Variants in RBFOX1 observed in about 807,000 individuals in gnomAD.
RBFOX1 encodes the protein RNA binding fox-1 homolog 1, also known as RNA binding protein fox-1 homolog 1.
RBFOX1 carries 8 observed loss-of-function variants against 57.7 expected under a neutral mutation model. The observed-to-expected ratio is 0.14, with a 90% CI of 0.08 to 0.25. The LOEUF is 0.25. Among genes scored for constraint, RBFOX1 ranks in the 10% least tolerant of loss-of-function variants. RBFOX1 has a pLI of 1.00. For missense variants in RBFOX1, 611 were observed against 548.5 expected (o/e 1.11, Z -1.14); for synonymous variants, 326 against 222.4 (o/e 1.47, Z -4.15).
intron 3 of RBFOX1, among the ~76,000 whole-genome samples, chr16:5,687,530 T>G (rs2050542046): frequency 6.6e-6 from 1 of 152,188 alleles, no homozygotes; most frequent in East Asian, 1.9e-4. Context: ...TATCAATACA[T>G]GATTAGGTGA....
intron 2 of RBFOX1, among the ~76,000 whole-genome samples, chr16:6,631,151 G>A (rs1380200421): frequency 1.3e-5 from 2 of 151,990 alleles, no homozygotes; most frequent in Non-Finnish European, 2.9e-5. Context: ...AAATTTAGAA[G>A]GTCAAAGGCA....
At chr16:6,122,473 T>G (rs962971487) in intron 1 of RBFOX1, among the ~76,000 whole-genome samples, 1 of 152,136 alleles carries the variant, frequency 6.6e-6, no homozygotes, top group African/African-American at 2.4e-5. Flanking sequence ...ATCCTTTTCT[T>G]TGCTATTTTC....
At chr16:7,070,655 A>G (rs1262491354) in intron 4 of RBFOX1, among the ~76,000 whole-genome samples, 2 of 152,192 alleles carry the variant, frequency 1.3e-5, no homozygotes, top group Non-Finnish European at 2.9e-5. Context: ...ATGCAGAGCC[A>G]TCTCCCTTGG....
intron 1 of RBFOX1, among the ~76,000 whole-genome samples, chr16:6,098,536 C>CA (rs2096270715): frequency 6.6e-6 from 1 of 152,226 alleles, no homozygotes; most frequent in Non-Finnish European, 1.5e-5. Context: ...AATTCTAAGT[C>CA]AAGAGCAATT....
intron 14 of RBFOX1, among the ~76,000 whole-genome samples, chr16:7,695,856 G>A (rs2078649709): frequency 1.3e-5 from 2 of 152,068 alleles, no homozygotes; most frequent in African/African-American, 4.8e-5. Context: ...TAAAATCTCA[G>A]TGTGGGGTTT....
chr16:6,727,893 A>C (rs1046274533), intron 3 of RBFOX1, among the ~76,000 whole-genome samples: 32 of 152,248 alleles, frequency 2.1e-4, no homozygotes, highest in African/African-American at 6.3e-4. Context: ...ACCTGATTCC[A>C]TTTTGAAATC....
At chr16:5,868,779 A>G (rs1195739633) in intron 4 of RBFOX1, among the ~76,000 whole-genome samples, 2 of 152,280 alleles carry the variant, frequency 1.3e-5, no homozygotes, top group East Asian at 3.9e-4. Flanking sequence ...TAAACAACAC[A>G]AATTTTGTTT....
At position 6,727,097 on chromosome 16, in the gene RBFOX1, GAC is replaced by G. The variant is rs1166229849; in HGVS notation, c.-16+72453_-16+72454del. ...GAGAGAGACACACAAAACACACACA[GAC>G]ACACATAAATATATGTGTGTGTGTG... is the stretch of plus-strand genomic sequence containing the variant. On this transcript the variant is annotated intron_variant, in intron 3 of 15. Transcript: ENST00000550418. 7.2e-4 allele frequency among the ~76,000 whole-genome samples: 27 copies of G among 37,406 alleles called. No homozygotes were observed. In the East Asian group the frequency reaches 0.03, roughly 42 times the overall value. The allele number at this position is 37,406 out of a possible 152,430, so 24.5% of individuals were successfully genotyped here. A position where few individuals can be genotyped will look rare whatever the true frequency, so the allele number is the denominator to read the frequency against.
intron 4 of RBFOX1, among the ~76,000 whole-genome samples, chr16:5,880,035 T>G (rs7185074): frequency 0.12 from 18,623 of 152,188 alleles, 1,775 homozygotes; most frequent in African/African-American, 0.26. Flanking sequence ...TGCCATGGTG[T>G]GCCAGTGAGG....
At chr16:7,059,868 A>G (rs1280640164) in intron 4 of RBFOX1, among the ~76,000 whole-genome samples, 1 of 152,158 alleles carries the variant, frequency 6.6e-6, no homozygotes, top group Non-Finnish European at 1.5e-5. Flanking sequence ...ATGTAAACTG[A>G]TGAAAAATGA....
intron 2 of RBFOX1, among the ~76,000 whole-genome samples, chr16:6,377,698 A>C (rs1004522934): frequency 6.6e-6 from 1 of 152,224 alleles, no homozygotes; most frequent in African/African-American, 2.4e-5. Flanking sequence ...TGTTTTTAAT[A>C]TGTCTATTTA....
chr16:5,867,085 C>G (rs868039743), intron 3 of RBFOX1, among the ~76,000 whole-genome samples: 1 of 151,946 alleles, frequency 6.6e-6, no homozygotes, highest in South Asian at 2.1e-4. Context: ...ACTAATTATC[C>G]TATTCACCTT....
At chr16:6,653,520 T>G (rs1250914941) in intron 2 of RBFOX1, among the ~76,000 whole-genome samples, 1 of 152,162 alleles carries the variant, frequency 6.6e-6, no homozygotes, top group African/African-American at 2.4e-5. Context: ...GGGTAGGAAT[T>G]ATGTTTGTTT....
At chr16:5,633,150 G>A (rs1196974153) in intron 3 of RBFOX1, among the ~76,000 whole-genome samples, 1 of 151,946 alleles carries the variant, frequency 6.6e-6, no homozygotes, top group African/African-American at 2.4e-5. Context: ...TATTGGCCAG[G>A]CTGGTCTCGA....
intron 4 of RBFOX1, among the ~76,000 whole-genome samples, chr16:7,314,804 G>C (rs1603618995): frequency 6.6e-6 from 1 of 152,166 alleles, no homozygotes; most frequent in Non-Finnish European, 1.5e-5. Context: ...ACAGGAGCTT[G>C]ATGTGATCTT....
intron 3 of RBFOX1, among the ~76,000 whole-genome samples, chr16:6,679,629 T>C (rs1192172614): frequency 6.6e-6 from 1 of 152,184 alleles, no homozygotes; most frequent in Admixed American, 6.5e-5. Context: ...TAACATTTTT[T>C]TGAGCATCTC....
chr16:7,052,199 T>G (rs1479364124), intron 4 of RBFOX1, 101 bp downstream of exon 4: 1 of 1,488,100 alleles, frequency 6.7e-7, no homozygotes. Context: ...AATAACAGGC[T>G]TCATCTTAAG....
rs113039817 is a variant in RBFOX1 at position 7,345,807 on chromosome 16, C to T, written c.28-172340C>T. On this transcript the variant is annotated intron_variant, in intron 4 of 15. Transcript: ENST00000550418. ...CCGTCTGCATGTGTATTTTCTTTTT[C>T]TTTTTTTAATTTTAATTTTTTGTTT... is the stretch of plus-strand genomic sequence containing the variant. 8.5e-3 allele frequency among the ~76,000 whole-genome samples: 1,291 copies of T among 152,198 alleles called. 15 individuals are homozygous for T. Among genetic ancestry groups the T allele is most frequent in the Middle Eastern group, 0.034 (10 of 294 alleles).
At chr16:6,033,604 G>T (rs1053960557) in intron 1 of RBFOX1, among the ~76,000 whole-genome samples, 1 of 152,154 alleles carries the variant, frequency 6.6e-6, no homozygotes, top group Non-Finnish European at 1.5e-5. Context: ...GTGTGTGTGT[G>T]CACACGCACG....
Sources: gnomAD v4.1 joint callset for allele counts (sites outside exome capture counted in the v4.1 genomes callset) on GRCh38, gnomAD v4.1.1 for gene constraint, MANE v1.5 for transcripts, NCBI Gene and HGNC (gene_info 2026-07-23, HGNC 2026-07-21) for gene names.